The following NKAIN2 variants were observed in gnomAD, a reference collection of about 807,000 sequenced individuals.
NKAIN2 encodes the protein sodium/potassium transporting ATPase interacting 2.
Under a neutral mutation model 32.6 loss-of-function variants are expected in NKAIN2, and 14 were observed. The ratio of observed to expected loss-of-function variants is 0.43; its 90% CI spans 0.28 to 0.67. The LOEUF (loss-of-function observed/expected upper bound fraction) is 0.67, where lower values mean the gene tolerates loss of function less well. Among genes scored for constraint, NKAIN2 ranks in the 30% least tolerant of loss-of-function variants. NKAIN2 has a pLI of 0.17. For missense variants in NKAIN2, 198 were observed against 258.3 expected (o/e 0.77, Z 1.60); for synonymous variants, 80 against 87.2 (o/e 0.92, Z 0.46).
chr6:124,302,602 A>T (rs1796333612), intron 2 of NKAIN2, among the ~76,000 whole-genome samples: 1 of 152,162 alleles, frequency 6.6e-6, no homozygotes, highest in African/African-American at 2.4e-5. Flanking sequence ...TTCTTATATT[A>T]TCTTCAGGTG....
intron 4 of NKAIN2, among the ~76,000 whole-genome samples, chr6:124,685,044 G>T (rs897070235): frequency 6.6e-6 from 1 of 152,040 alleles, no homozygotes; most frequent in Non-Finnish European, 1.5e-5. Flanking sequence ...ATATATTGGG[G>T]TCTCACAGAA....
At chr6:124,789,724 A>C (rs908691356) in intron 4 of NKAIN2, among the ~76,000 whole-genome samples, 1 of 152,122 alleles carries the variant, frequency 6.6e-6, no homozygotes, top group African/African-American at 2.4e-5. Context: ...AATAAGTCCC[A>C]AAAAAACAAA....
chr6:123,916,829 T>TTATC (rs3038597), intron 1 of NKAIN2, among the ~76,000 whole-genome samples: 134 of 150,910 alleles, frequency 8.9e-4, no homozygotes, highest in East Asian at 2.8e-3. Context: ...ATCTATCTAT[T>TTATC]TATCTATCTA....
intron 4 of NKAIN2, among the ~76,000 whole-genome samples, chr6:124,665,970 C>G (rs1772776468): frequency 6.6e-6 from 1 of 152,110 alleles, no homozygotes; most frequent in African/African-American, 2.4e-5. Context: ...GTATCAAAGA[C>G]TCTACAACTG....
chr6:124,331,650 G>A (rs552275313), intron 2 of NKAIN2, among the ~76,000 whole-genome samples: 1 of 151,794 alleles, frequency 6.6e-6, no homozygotes, highest in Non-Finnish European at 1.5e-5. Context: ...CCTCACATTT[G>A]CTTACCTTGT....
At chr6:124,654,348 A>G (rs1276445783) in intron 3 of NKAIN2, among the ~76,000 whole-genome samples, 1 of 152,142 alleles carries the variant, frequency 6.6e-6, no homozygotes, top group African/African-American at 2.4e-5. Context: ...CATATAAATA[A>G]ATGTATGAAG....
chr6:124,685,989 C>G (rs774784953), intron 4 of NKAIN2, among the ~76,000 whole-genome samples: 1 of 152,160 alleles, frequency 6.6e-6, no homozygotes, highest in Non-Finnish European at 1.5e-5. Flanking sequence ...GGGCTGTGTT[C>G]TCAGCTGAGG....
intron 3 of NKAIN2, among the ~76,000 whole-genome samples, chr6:124,623,345 GA>G (rs1390854493): frequency 6.6e-6 from 1 of 152,136 alleles, no homozygotes; most frequent in African/African-American, 2.4e-5. Context: ...TAAAGAAAAG[GA>G]ATACTAAATT....
chr6:124,206,952 T>C lies in NKAIN2; in HGVS notation c.55-76053T>C, dbSNP rs371228181. ...CATATCTCCTCTCTCCATTAAAAAG[T>C]TTATGAATTTTGGACAAACAATGGA... On this transcript the variant is annotated intron_variant, in intron 1 of 6. Coordinates refer to ENST00000368417, the MANE Select transcript of NKAIN2 (RefSeq NM_001040214.3). Among the ~76,000 whole-genome samples, 5 of 151,856 alleles carry C rather than the reference T, an allele frequency of 3.3e-5. No homozygotes were observed. In the South Asian group the frequency reaches 1.0e-3, roughly 31 times the overall value.
intron 3 of NKAIN2, among the ~76,000 whole-genome samples, chr6:124,555,253 G>A (rs1444461807): frequency 6.6e-6 from 1 of 152,136 alleles, no homozygotes; most frequent in Non-Finnish European, 1.5e-5. Flanking sequence ...AGAGAACATG[G>A]CAAAAGTTCC....
chr6:124,035,287 T>C (rs779576419), intron 1 of NKAIN2, among the ~76,000 whole-genome samples: 8 of 152,094 alleles, frequency 5.3e-5, no homozygotes, highest in Middle Eastern at 3.2e-3. Flanking sequence ...TCATTGCCCA[T>C]AAGCTAATAA....
In NKAIN2 at chr6:123,804,135, G is replaced by A; in HGVS notation, c.-66G>A. On this transcript the variant is annotated 5_prime_UTR_variant, in exon 1 of 7. Transcript: ENST00000368417. ...CGTGTCCTTCCCCGCGATCTGATTG[G>A]ATAAAGTGGGGGCTCGACGGTGGCC... The A allele has an allele frequency of 6.2e-6, 9 of 1,450,530 alleles. No homozygotes were observed. The highest frequency in any genetic ancestry group is 8.7e-6 in the Non-Finnish European group (9 of 1,031,296). The allele number at this position is 1,450,530 out of a possible 1,614,324, so 89.9% of individuals were successfully genotyped here.
chr6:124,642,274 C>A (rs930663167), intron 3 of NKAIN2, among the ~76,000 whole-genome samples: 1 of 152,178 alleles, frequency 6.6e-6, no homozygotes, highest in African/African-American at 2.4e-5. Context: ...ACTTTCTCAG[C>A]TGTTCTTCCT....
At chr6:124,580,970 A>G (rs971923100) in intron 3 of NKAIN2, among the ~76,000 whole-genome samples, 7 of 152,252 alleles carry the variant, frequency 4.6e-5, no homozygotes, top group African/African-American at 1.7e-4. Flanking sequence ...AAAGGAGCCA[A>G]TTCAACAAGA....
chr6:124,380,910 C>T (rs978372430), intron 3 of NKAIN2, among the ~76,000 whole-genome samples: 2 of 152,116 alleles, frequency 1.3e-5, no homozygotes, highest in African/African-American at 4.8e-5. Context: ...GGCCCAGATT[C>T]CACATTGCAA....
Position 123,911,812 on chromosome 6 carries a change from TACACACACACAC to T in NKAIN2, c.54+107594_54+107605del, listed in dbSNP as rs60501930. 1.6e-4 allele frequency among the ~76,000 whole-genome samples: 14 copies of T among 85,006 alleles called. 1 individual carries two copies. Among genetic ancestry groups the T allele is most frequent in the Middle Eastern group, 5.6e-3 (1 of 180 alleles). The allele number at this position is 85,006 out of a possible 152,430, so 55.8% of individuals were successfully genotyped here. On this transcript the variant is annotated intron_variant, in intron 1 of 6. Transcript: ENST00000368417. ...ATATATATATATATGTATATATATA[TACACACACACAC>T]ACACACACACACACACACACACACA...
At position 124,009,238 on chromosome 6, in the gene NKAIN2, C is replaced by A. The variant is rs116454126; in HGVS notation, c.54+204984C>A. Among the ~76,000 whole-genome samples the A allele has an allele frequency of 4.4e-3, 666 of 152,238 alleles. 5 individuals are homozygous for A. Among genetic ancestry groups the A allele is most frequent in the African/African-American group, 0.015 (618 of 41,556 alleles). On this transcript the variant is annotated intron_variant, in intron 1 of 6. Transcript: ENST00000368417. ...TTGGTCTCTCTCTGTCTGTCTCTAT[C>A]TTTCTGTTGCTTGCCTTCTCTCTGA...
intron 3 of NKAIN2, among the ~76,000 whole-genome samples, chr6:124,442,000 T>A (rs1023970513): frequency 2.0e-5 from 3 of 152,118 alleles, no homozygotes; most frequent in African/African-American, 7.2e-5. Context: ...GCACTTGGGC[T>A]GATGCTGAGT....
At chr6:124,127,234 C>G (rs1376596750) in intron 1 of NKAIN2, among the ~76,000 whole-genome samples, 2 of 152,166 alleles carry the variant, frequency 1.3e-5, no homozygotes, top group African/African-American at 2.4e-5. Context: ...GAAAAAGCAG[C>G]TGTCCCAGGC....
Sources: allele counts gnomAD v4.1 joint callset (sites outside exome capture counted in the v4.1 genomes callset), GRCh38; gene constraint gnomAD v4.1.1; transcripts MANE v1.5; gene names NCBI Gene and HGNC (gene_info 2026-07-23, HGNC 2026-07-21).